NEBL: variants seen among roughly 807,000 people sequenced by gnomAD.
NEBL encodes LIM and SH3 protein 2.
In NEBL, 122 loss-of-function variants were observed where a neutral mutation model predicts 140.2. That is an observed-to-expected ratio of 0.87 (90% confidence interval 0.75 to 1.01). The LOEUF is 1.01. NEBL is among the 50% of genes least tolerant of loss of function. The pLI, the probability that NEBL is intolerant of heterozygous loss-of-function variation, is 0.00. For missense variants in NEBL, 1,365 were observed against 1,231.3 expected (o/e 1.11, Z -1.62); for synonymous variants, 436 against 398.9 (o/e 1.09, Z -1.11).
intron 1 of NEBL, among the ~76,000 whole-genome samples, chr10:21,277,344 G>A (rs1430813771): frequency 2.0e-5 from 3 of 152,128 alleles, no homozygotes; most frequent in African/African-American, 2.4e-5. Context: ...AAGTAGCTGG[G>A]ATTACGAGTG....
At chr10:20,909,713 C>T (rs904348693) in intron 4 of NEBL, among the ~76,000 whole-genome samples, 2 of 152,032 alleles carry the variant, frequency 1.3e-5, no homozygotes, top group Non-Finnish European at 2.9e-5. Context: ...AATAACTCAA[C>T]AATTCTCTCA....
At chr10:20,836,489 C>T (rs918574028) in intron 13 of NEBL, among the ~76,000 whole-genome samples, 9 of 152,142 alleles carry the variant, frequency 5.9e-5, no homozygotes, top group Non-Finnish European at 4.4e-5. Flanking sequence ...TCCCAAAATG[C>T]TGGGATTACA....
intron 2 of NEBL, among the ~76,000 whole-genome samples, chr10:21,135,678 C>T (rs1839324344): frequency 1.3e-5 from 2 of 152,138 alleles, no homozygotes; most frequent in Admixed American, 1.3e-4. Flanking sequence ...CATGGCACAG[C>T]CTTTATGTAG....
intron 2 of NEBL, among the ~76,000 whole-genome samples, chr10:21,053,425 T>TATCTA (rs1834867225): frequency 6.6e-6 from 1 of 152,232 alleles, no homozygotes; most frequent in South Asian, 2.1e-4. Flanking sequence ...GCAAGAATAT[T>TATCTA]ATCTATGATT....
At chr10:21,122,149 C>A (rs1838608217) in intron 2 of NEBL, among the ~76,000 whole-genome samples, 1 of 152,052 alleles carries the variant, frequency 6.6e-6, no homozygotes, top group Admixed American at 6.6e-5. Flanking sequence ...CCTCAGCCTG[C>A]CAAGTAGCTG....
At chr10:21,288,820 G>GTGTATGTA (rs1477748950) in intron 1 of NEBL, among the ~76,000 whole-genome samples, 9 of 35,026 alleles carry the variant, frequency 2.6e-4, no homozygotes, top group African/African-American at 8.7e-4. Flanking sequence ...GTGTGTGTGT[G>GTGTATGTA]TATATATATA....
chr10:21,269,925 A>G (rs918595032), intron 1 of NEBL, among the ~76,000 whole-genome samples: 19 of 152,224 alleles, frequency 1.2e-4, no homozygotes, highest in African/African-American at 4.6e-4. Context: ...AAATGGGTCA[A>G]TGTACGGAAT....
intron 4 of NEBL, among the ~76,000 whole-genome samples, 182 bp downstream of exon 4, chr10:20,887,915 C>T (rs950495790): frequency 7.9e-5 from 12 of 152,150 alleles, no homozygotes; most frequent in Admixed American, 5.9e-4. Flanking sequence ...CATAAACCTG[C>T]GTGTCCTTTT....
At chr10:21,105,694 A>G (rs558021723) in intron 2 of NEBL, among the ~76,000 whole-genome samples, 1 of 152,308 alleles carries the variant, frequency 6.6e-6, no homozygotes, top group African/African-American at 2.4e-5. Flanking sequence ...TCCTTTGGGT[A>G]TATACCCAAT....
At chr10:21,257,121 GTATTATC>G (rs774970579) in intron 1 of NEBL, among the ~76,000 whole-genome samples, 130 of 152,294 alleles carry the variant, frequency 8.5e-4, no homozygotes, top group Non-Finnish European at 8.7e-4. Context: ...CTTTCTCACA[GTATTATC>G]TATTGAGTGT....
intron 9 of NEBL, 110 bp downstream of exon 9, chr10:20,858,130 G>T (rs1843274059): frequency 1.2e-6 from 1 of 807,966 alleles, no homozygotes; most frequent in Admixed American, 1.9e-5. Flanking sequence ...AACGAGGGAG[G>T]AGTGAGGCAC....
chr10:21,069,343 T>G (rs886420598), intron 2 of NEBL, among the ~76,000 whole-genome samples: 3 of 152,308 alleles, frequency 2.0e-5, no homozygotes, highest in Admixed American at 2.0e-4. Context: ...ACACAATTCT[T>G]CCTCATGGCA....
chr10:21,241,584 GCTT>G (rs1842440610), intron 3 of NEBL, among the ~76,000 whole-genome samples: 1 of 152,180 alleles, frequency 6.6e-6, no homozygotes, highest in African/African-American at 2.4e-5. Context: ...TTCTGTTTGT[GCTT>G]CATTGTCATG....
chr10:21,030,366 A>T (rs1589153260), intron 2 of NEBL: 1 of 616,078 alleles, frequency 1.6e-6, no homozygotes, highest in East Asian at 4.2e-5. Flanking sequence ...AGTCAATCAG[A>T]CCAGGATGCA....
intron 4 of NEBL, among the ~76,000 whole-genome samples, chr10:20,911,930 GC>G (rs1255361704): frequency 6.6e-6 from 1 of 152,164 alleles, no homozygotes; most frequent in African/African-American, 2.4e-5. Flanking sequence ...TCAGTCTGTT[GC>G]AAAAATTTCT....
intron 4 of NEBL, among the ~76,000 whole-genome samples, chr10:20,928,893 T>C (rs989996410): frequency 1.3e-5 from 2 of 152,190 alleles, no homozygotes; most frequent in African/African-American, 4.8e-5. Context: ...ACTTCCATCT[T>C]CAGTGCCATT....
intron 24 of NEBL, among the ~76,000 whole-genome samples, chr10:20,811,617 A>C (rs547238275): frequency 2.6e-5 from 4 of 152,336 alleles, no homozygotes; most frequent in African/African-American, 9.6e-5. Flanking sequence ...CTTTAGTATA[A>C]TCATCCAAGT....
intron 3 of NEBL, among the ~76,000 whole-genome samples, chr10:21,015,060 G>A (rs1441203920): frequency 2.0e-5 from 3 of 152,162 alleles, no homozygotes; most frequent in Non-Finnish European, 2.9e-5. Context: ...AGAGCACAGT[G>A]AGCCCCAAAT....
chr10:21,012,121 G>A (rs1419828715), intron 3 of NEBL, among the ~76,000 whole-genome samples: 2 of 152,102 alleles, frequency 1.3e-5, no homozygotes, highest in Non-Finnish European at 2.9e-5. Flanking sequence ...AGCAGAGAGA[G>A]AGGAGGTCAT....
Sources: gnomAD v4.1 joint callset for allele counts (sites outside exome capture counted in the v4.1 genomes callset) on GRCh38, gnomAD v4.1.1 for gene constraint, MANE v1.5 for transcripts, NCBI Gene and HGNC (gene_info 2026-07-23, HGNC 2026-07-21) for gene names.